The following PALM2AKAP2 variants were observed in gnomAD, a reference collection of about 807,000 sequenced individuals.
The protein encoded by PALM2AKAP2 is PALM2 and AKAP2 fusion.
A neutral mutation model predicts 71.5 loss-of-function variants in PALM2AKAP2; 37 were observed. The observed-to-expected ratio is 0.52, with a 90% CI of 0.40 to 0.68. The LOEUF (loss-of-function observed/expected upper bound fraction) is 0.68, where lower values mean the gene tolerates loss of function less well. Ranked by LOEUF, PALM2AKAP2 falls within the 30% of genes least tolerant of loss-of-function variation. The pLI, the probability that PALM2AKAP2 is intolerant of heterozygous loss-of-function variation, is 0.00. For missense variants in PALM2AKAP2, 1,224 were observed against 1,191.8 expected (o/e 1.03, Z -0.40); for synonymous variants, 468 against 478.8 (o/e 0.98, Z 0.29).
At chr9:109,844,801 C>T (rs1241976622) in intron 1 of PALM2AKAP2, among the ~76,000 whole-genome samples, 1 of 152,184 alleles carries the variant, frequency 6.6e-6, no homozygotes, top group Non-Finnish European at 1.5e-5. Flanking sequence ...ACATGGATGT[C>T]AGCGAGAAGG....
intron 2 of PALM2AKAP2, among the ~76,000 whole-genome samples, chr9:109,871,168 A>G (rs1829594204): frequency 2.6e-5 from 4 of 152,220 alleles, no homozygotes. Flanking sequence ...ATTCATATAT[A>G]TTTTTAGAAG....
chr9:109,890,684 C>T (rs374655176), intron 3 of PALM2AKAP2, among the ~76,000 whole-genome samples: 2 of 152,212 alleles, frequency 1.3e-5, no homozygotes, highest in South Asian at 2.1e-4. Context: ...GGTCTGCCTG[C>T]ATCCTGGTTC....
At chr9:110,022,551 T>C (rs939798971) in intron 7 of PALM2AKAP2, among the ~76,000 whole-genome samples, 16 of 150,576 alleles carry the variant, frequency 1.1e-4, no homozygotes, top group African/African-American at 3.9e-4. Flanking sequence ...CATTCTTTTC[T>C]TTTTTTTTCT....
chr9:109,831,142 T>TACACACACACAC (rs111681992), intron 1 of PALM2AKAP2, among the ~76,000 whole-genome samples: 2 of 134,970 alleles, frequency 1.5e-5, no homozygotes, highest in African/African-American at 5.3e-5. Context: ...ATACTTCCCC[T>TACACACACACAC]ACACACACAC....
intron 1 of PALM2AKAP2, among the ~76,000 whole-genome samples, chr9:109,657,949 TG>T (rs1428666840): frequency 6.9e-6 from 1 of 145,828 alleles, no homozygotes; most frequent in African/African-American, 2.7e-5. Flanking sequence ...TGTGTGTGTG[TG>T]TGTGTGTGTG....
At chr9:110,165,817 A>G (rs938030333) in intron 3 of PALM2AKAP2, among the ~76,000 whole-genome samples, 27 of 152,248 alleles carry the variant, frequency 1.8e-4, no homozygotes, top group African/African-American at 5.3e-4. Context: ...GTAGGAAACT[A>G]ATAAATATGT....
At chr9:109,712,722 A>G (rs1472990267) in intron 1 of PALM2AKAP2, among the ~76,000 whole-genome samples, 2 of 152,148 alleles carry the variant, frequency 1.3e-5, no homozygotes, top group Non-Finnish European at 2.9e-5. Context: ...GGCCCAGAAG[A>G]GCTTAGAGAT....
intron 2 of PALM2AKAP2, among the ~76,000 whole-genome samples, chr9:110,145,994 G>A (rs1363197978): frequency 6.8e-6 from 1 of 147,218 alleles, no homozygotes; most frequent in African/African-American, 2.5e-5. Context: ...TGCCTCCCAG[G>A]TTCACGCCAT....
intron 1 of PALM2AKAP2, among the ~76,000 whole-genome samples, chr9:110,123,823 G>A (rs553550164): frequency 5.3e-5 from 8 of 152,230 alleles, no homozygotes; most frequent in Admixed American, 2.6e-4. Flanking sequence ...ATCGCTGGTC[G>A]AGGGCACTTC....
intron 1 of PALM2AKAP2, among the ~76,000 whole-genome samples, chr9:109,775,064 C>CT (rs1199618708): frequency 6.6e-5 from 10 of 152,202 alleles, no homozygotes; most frequent in African/African-American, 2.2e-4. Context: ...TGTAAGGAAA[C>CT]TGTCATTCTA....
chr9:110,019,259 A>G (rs866418244), intron 7 of PALM2AKAP2, among the ~76,000 whole-genome samples: 26 of 150,784 alleles, frequency 1.7e-4, no homozygotes, highest in African/African-American at 3.7e-4. Flanking sequence ...AAAAAAAAAA[A>G]AGAGAGATAC....
chr9:109,723,269 C>A (rs1417923404), intron 1 of PALM2AKAP2, among the ~76,000 whole-genome samples: 1 of 152,208 alleles, frequency 6.6e-6, no homozygotes, highest in Non-Finnish European at 1.5e-5. Context: ...ATCTCCTCCC[C>A]TGGCTCCTAT....
intron 1 of PALM2AKAP2, among the ~76,000 whole-genome samples, chr9:109,670,860 CTAAT>C (rs1827562236): frequency 6.6e-6 from 1 of 152,194 alleles, no homozygotes; most frequent in Admixed American, 6.5e-5. Flanking sequence ...TTGCACTTCT[CTAAT>C]AATCAGTGAT....
At chr9:109,993,023 A>T (rs1832514645) in intron 6 of PALM2AKAP2, among the ~76,000 whole-genome samples, 1 of 150,890 alleles carries the variant, frequency 6.6e-6, no homozygotes, top group Non-Finnish European at 1.5e-5. Context: ...GCAACCCAGG[A>T]GCATAGATTC....
chr9:109,661,472 G>A (rs79262116), intron 1 of PALM2AKAP2, among the ~76,000 whole-genome samples: 1 of 152,178 alleles, frequency 6.6e-6, no homozygotes, highest in Admixed American at 6.5e-5. Flanking sequence ...TCAGATGGTT[G>A]TAGATGTGTG....
intron 1 of PALM2AKAP2, among the ~76,000 whole-genome samples, chr9:109,817,429 C>A (rs1271368948): frequency 6.6e-6 from 1 of 152,216 alleles, no homozygotes; most frequent in Non-Finnish European, 1.5e-5. Flanking sequence ...CTAAAAAATT[C>A]AAACCCCTAT....
At chr9:109,836,772 G>A (rs2131562744) in intron 1 of PALM2AKAP2, among the ~76,000 whole-genome samples, 1 of 152,256 alleles carries the variant, frequency 6.6e-6, no homozygotes, top group Admixed American at 6.5e-5. Context: ...TGGAAGAAAG[G>A]GTATCAGTGA....
At chr9:109,982,176 G>A (rs1832283458) in intron 6 of PALM2AKAP2, among the ~76,000 whole-genome samples, 1 of 152,212 alleles carries the variant, frequency 6.6e-6, no homozygotes, top group South Asian at 2.1e-4. Context: ...AGGTCATTGT[G>A]TTAAGTGAAA....
chr9:109,753,679 T>C (rs1325899227), intron 1 of PALM2AKAP2, among the ~76,000 whole-genome samples: 4 of 152,176 alleles, frequency 2.6e-5, no homozygotes, highest in Non-Finnish European at 5.9e-5. Context: ...ATTTGATCTA[T>C]ATATCTCAGA....
Sources: gnomAD v4.1 joint callset for allele counts (sites outside exome capture counted in the v4.1 genomes callset) on GRCh38, gnomAD v4.1.1 for gene constraint, MANE v1.5 for transcripts, NCBI Gene and HGNC (gene_info 2026-07-23, HGNC 2026-07-21) for gene names.